SMOC1: variants seen among roughly 807,000 people sequenced by gnomAD.
SMOC1 encodes SPARC-related modular calcium-binding protein 1.
Under a neutral mutation model 56.3 loss-of-function variants are expected in SMOC1, and 22 were observed. The ratio of observed to expected loss-of-function variants is 0.39; its 90% CI spans 0.28 to 0.56. The LOEUF (loss-of-function observed/expected upper bound fraction) is 0.56. Among genes scored for constraint, SMOC1 ranks in the 20% least tolerant of loss-of-function variants. SMOC1 has a pLI of 0.61. For synonymous variants in SMOC1, 193 were observed against 215.0 expected (o/e 0.90, Z 0.89); for missense variants, 509 against 565.4 (o/e 0.90, Z 1.01).
At chr14:69,907,638 AGAG>A (rs1026522956) in intron 1 of SMOC1, among the ~76,000 whole-genome samples, 1 of 152,238 alleles carries the variant, frequency 6.6e-6, no homozygotes, top group Admixed American at 6.5e-5. Flanking sequence ...ACAGAAAACA[AGAG>A]AAGTATTAAG....
At chr14:69,907,828 T>C (rs1594796186) in intron 1 of SMOC1, among the ~76,000 whole-genome samples, 1 of 152,228 alleles carries the variant, frequency 6.6e-6, no homozygotes, top group African/African-American at 2.4e-5. Context: ...AGGTTCCTTA[T>C]AGAGAGCTTC....
chr14:70,017,017 A>G (rs1438609999), intron 10 of SMOC1, among the ~76,000 whole-genome samples: 1 of 152,194 alleles, frequency 6.6e-6, no homozygotes, highest in Non-Finnish European at 1.5e-5. Flanking sequence ...GAGAAGAAAC[A>G]TTTTCTGTCT....
In SMOC1 at chr14:70,014,579, G is replaced by A. The variant is rs374955941; in HGVS notation, c.1046+1088G>A. Among the ~76,000 whole-genome samples, 21 of 152,272 alleles carry A rather than the reference G, an allele frequency of 1.4e-4. No individual in the cohort carries two copies. In the South Asian group the frequency reaches 4.1e-3, roughly 30 times the overall value. The stretch of plus-strand genomic sequence containing the variant: ...ATCGTGAGATGGAAGAGGTGGGCAG[G>A]ACTCAGATCCCGAAAGTCCTGTGAG... On this transcript the variant is annotated intron_variant, in intron 10 of 11. Coordinates refer to ENST00000361956, the MANE Select transcript of SMOC1 (RefSeq NM_001034852.3).
At chr14:69,924,821 A>G (rs1884954079) in intron 1 of SMOC1, among the ~76,000 whole-genome samples, 1 of 2,396 alleles carries the variant, frequency 4.2e-4, no homozygotes, top group Non-Finnish European at 6.8e-4. Context: ...GGGGAGGTAA[A>G]GGAGGAGGAG....
chr14:69,983,211 T>C (rs907079912), intron 5 of SMOC1, among the ~76,000 whole-genome samples: 3 of 152,158 alleles, frequency 2.0e-5, no homozygotes, highest in South Asian at 2.1e-4. Flanking sequence ...TCTCCAAGGA[T>C]TGGAGAGAGA....
At chr14:69,963,791 T>C (rs1370166705) in intron 3 of SMOC1, among the ~76,000 whole-genome samples, 1 of 152,194 alleles carries the variant, frequency 6.6e-6, no homozygotes, top group Non-Finnish European at 1.5e-5. Context: ...ACTTTGTCAG[T>C]GATGGCAAGA....
rs182739897 is a variant in SMOC1 at position 69,925,606 on chromosome 14, G to A, written c.100-26532G>A. ...TAAATGTAGAGCCCACGGGGCCGGGGCTTGTGTGTCTTACTCCCTGTGTCT... is the reference window on the plus strand; with the variant it reads ...TAAATGTAGAGCCCACGGGGCCGGGACTTGTGTGTCTTACTCCCTGTGTCT... On this transcript the variant is annotated intron_variant, in intron 1 of 11. Transcript: ENST00000361956. Among the ~76,000 whole-genome samples the A allele has an allele frequency of 2.5e-3, 384 of 152,300 alleles. 2 individuals are homozygous for A. The highest frequency in any genetic ancestry group is 8.8e-3 in the African/African-American group (366 of 41,542).
intron 5 of SMOC1, among the ~76,000 whole-genome samples, chr14:69,991,048 G>A (rs1884550491): frequency 6.6e-6 from 1 of 152,132 alleles, no homozygotes; most frequent in Non-Finnish European, 1.5e-5. Context: ...ACGAAAGTCG[G>A]CCAAAGGTAC....
At chr14:70,000,298 C>T (rs987418479) in intron 7 of SMOC1, among the ~76,000 whole-genome samples, 1 of 152,168 alleles carries the variant, frequency 6.6e-6, no homozygotes, top group Non-Finnish European at 1.5e-5. Context: ...TGTGCCTTCT[C>T]CTCCCTTTCT....
At chr14:70,004,098 C>T (rs960331123) in intron 7 of SMOC1, among the ~76,000 whole-genome samples, 1 of 152,146 alleles carries the variant, frequency 6.6e-6, no homozygotes, top group African/African-American at 2.4e-5. Flanking sequence ...AGAGTAGGCA[C>T]CTTGGTTACC....
At chr14:70,000,468 G>T (rs1427111306) in intron 7 of SMOC1, among the ~76,000 whole-genome samples, 1 of 152,218 alleles carries the variant, frequency 6.6e-6, no homozygotes, top group Admixed American at 6.5e-5. Context: ...TCATTGCAAA[G>T]ATACTGTGAA....
At chr14:69,906,150 C>T (rs1884401696) in intron 1 of SMOC1, among the ~76,000 whole-genome samples, 1 of 152,200 alleles carries the variant, frequency 6.6e-6, no homozygotes, top group African/African-American at 2.4e-5. Flanking sequence ...ACATGCCCTT[C>T]TTACCTTGGG....
Position 70,031,425 on chromosome 14 carries a change from G to C in SMOC1, c.*1167G>C, listed in dbSNP as rs1886148530. Reference sequence around the variant, plus strand: ...TCACAGGCCTGGGTGGGTGGGTTGGGGGAGGTGTCAGTCACCTTGTTGGTA... The same window carrying C: ...TCACAGGCCTGGGTGGGTGGGTTGGCGGAGGTGTCAGTCACCTTGTTGGTA... On this transcript the variant is annotated 3_prime_UTR_variant, in exon 12 of 12. Coordinates refer to ENST00000361956, the MANE Select transcript of SMOC1 (RefSeq NM_001034852.3). The C allele has an allele frequency of 6.7e-6, 1 of 149,354 alleles. No homozygotes were observed. The highest frequency in any genetic ancestry group is 1.5e-5 in the Non-Finnish European group (1 of 67,404). 9.3% of individuals were successfully genotyped at this position (149,354 alleles called of 1,614,324 possible). A position where few individuals can be genotyped will look rare whatever the true frequency, so the allele number is the denominator to read the frequency against.
intron 5 of SMOC1, among the ~76,000 whole-genome samples, chr14:69,991,306 C>A: frequency 6.6e-6 from 1 of 152,080 alleles, no homozygotes; most frequent in Admixed American, 6.5e-5. Context: ...TTAAGAGGGA[C>A]AAAGATACCC....
At chr14:69,937,256 A>G (rs1885318898) in intron 1 of SMOC1, among the ~76,000 whole-genome samples, 1 of 152,136 alleles carries the variant, frequency 6.6e-6, no homozygotes, top group South Asian at 2.1e-4. Flanking sequence ...AGGGTCTCTC[A>G]ATCAGTTTGC....
chr14:69,906,996 A>T (rs1467056170), intron 1 of SMOC1, among the ~76,000 whole-genome samples: 1 of 152,196 alleles, frequency 6.6e-6, no homozygotes. Context: ...ATGCAGCAGG[A>T]AAAAATTACT....
At chr14:69,971,570 C>T (rs191576553) in intron 3 of SMOC1, among the ~76,000 whole-genome samples, 18 of 152,308 alleles carry the variant, frequency 1.2e-4, no homozygotes, top group South Asian at 2.1e-4. Context: ...CTCATGGATC[C>T]TCTTGGCCCT....
At chr14:69,943,679 C>G (rs557455440) in intron 1 of SMOC1, among the ~76,000 whole-genome samples, 6 of 152,124 alleles carry the variant, frequency 3.9e-5, no homozygotes, top group African/African-American at 7.2e-5. Flanking sequence ...GTGGCTTTCC[C>G]CCCCCTTTCA....
intron 7 of SMOC1, among the ~76,000 whole-genome samples, chr14:70,008,731 C>T (rs1466383324): frequency 2.0e-5 from 3 of 152,192 alleles, no homozygotes; most frequent in Admixed American, 2.0e-4. Flanking sequence ...TTTAAATCCT[C>T]TGTCAGAGGT....
Sources: allele counts gnomAD v4.1 joint callset (sites outside exome capture counted in the v4.1 genomes callset), GRCh38; gene constraint gnomAD v4.1.1; transcripts MANE v1.5; gene names NCBI Gene and HGNC (gene_info 2026-07-23, HGNC 2026-07-21).